Variants in SGCZ observed in about 807,000 individuals in gnomAD.
SGCZ encodes the protein zeta-sarcoglycan.
In SGCZ, 40 loss-of-function variants were observed where a neutral mutation model predicts 41.3. The observed-to-expected ratio is 0.97, with a 90% CI of 0.75 to 1.26. SGCZ has a LOEUF of 1.26. SGCZ is among the 50% of genes most tolerant of loss of function. The pLI, the probability that SGCZ is intolerant of heterozygous loss-of-function variation, is 0.00. For synonymous variants in SGCZ, 206 were observed against 137.5 expected (o/e 1.50, Z -3.49); for missense variants, 552 against 369.8 (o/e 1.49, Z -4.04).
chr8:14,515,284 T>C (rs1802588254), intron 2 of SGCZ, among the ~76,000 whole-genome samples: 1 of 152,106 alleles, frequency 6.6e-6, no homozygotes, highest in South Asian at 2.1e-4. Context: ...GTGCTCCTGC[T>C]GTATTTTTGC....
chr8:15,089,468 TA>T (rs200441429), intron 1 of SGCZ, among the ~76,000 whole-genome samples: 77 of 152,140 alleles, frequency 5.1e-4, no homozygotes, highest in African/African-American at 1.8e-3. Flanking sequence ...TTCTTTTTTT[TA>T]ATGAGACTTT....
At chr8:14,876,109 T>A (rs1358185161) in intron 1 of SGCZ, among the ~76,000 whole-genome samples, 1 of 152,136 alleles carries the variant, frequency 6.6e-6, no homozygotes, top group Non-Finnish European at 1.5e-5. Flanking sequence ...AAAGCTTGCA[T>A]CAGTGTAGAC....
At chr8:14,555,024 G>T (rs543884897) in intron 1 of SGCZ, 98 bp from the exon 2 acceptor site, 2 of 1,108,508 alleles carry the variant, frequency 1.8e-6, no homozygotes, top group Non-Finnish European at 2.6e-6. Context: ...AACAATGTAC[G>T]TTAAAATAAT....
intron 1 of SGCZ, among the ~76,000 whole-genome samples, chr8:14,974,605 C>A (rs771983304): frequency 2.0e-5 from 3 of 152,088 alleles, no homozygotes; most frequent in Admixed American, 1.3e-4. Context: ...GAAGTGAAAC[C>A]CAACTTCAGT....
chr8:14,198,870 T>C (rs1223540651), intron 4 of SGCZ, among the ~76,000 whole-genome samples: 1 of 152,202 alleles, frequency 6.6e-6, no homozygotes, highest in Admixed American at 6.5e-5. Context: ...ACTTCCCCAA[T>C]CAATACTCTT....
chr8:14,360,926 G>GC (rs1319324065), intron 2 of SGCZ, among the ~76,000 whole-genome samples: 3 of 152,070 alleles, frequency 2.0e-5, no homozygotes, highest in African/African-American at 7.2e-5. Context: ...GAGTGATCTA[G>GC]TTTTTCCGCA....
At chr8:14,701,794 T>C (rs781090401) in intron 1 of SGCZ, among the ~76,000 whole-genome samples, 40 of 151,896 alleles carry the variant, frequency 2.6e-4, no homozygotes, top group Admixed American at 4.6e-4. Context: ...TACTAACATG[T>C]GACCTCTATT....
chr8:14,199,823 C>G (rs1318848061), intron 4 of SGCZ, among the ~76,000 whole-genome samples: 1 of 151,986 alleles, frequency 6.6e-6, no homozygotes. Context: ...AAGTTCACGA[C>G]TGACAATGAA....
At chr8:14,164,864 G>A in intron 4 of SGCZ, 162 bp from the exon 5 acceptor site, 2 of 861,332 alleles carry the variant, frequency 2.3e-6, no homozygotes, top group Non-Finnish European at 3.4e-6. Context: ...CCATTTTCAG[G>A]AGGCTAATTT....
intron 5 of SGCZ, among the ~76,000 whole-genome samples, chr8:14,125,710 A>G (rs1336264909): frequency 6.6e-6 from 1 of 152,126 alleles, no homozygotes; most frequent in Non-Finnish European, 1.5e-5. Context: ...GAGGCATCAC[A>G]CTACCTGATT....
intron 2 of SGCZ, among the ~76,000 whole-genome samples, chr8:14,329,043 G>A (rs768192726): frequency 6.6e-6 from 1 of 150,640 alleles, no homozygotes; most frequent in Non-Finnish European, 1.5e-5. Context: ...CTTCAAAACT[G>A]TAAGAAAATA....
At chr8:15,018,296 A>G (rs1803116909) in intron 1 of SGCZ, among the ~76,000 whole-genome samples, 1 of 152,190 alleles carries the variant, frequency 6.6e-6, no homozygotes, top group Non-Finnish European at 1.5e-5. Context: ...TAAACAAGAC[A>G]GCTTATTTTT....
Position 15,166,936 on chromosome 8 carries a change from G to A in SGCZ, c.39+70649C>T, listed in dbSNP as rs74841774. Reference sequence around the variant, plus strand: ...TGTTCATGAATATCAAGCAAAACTCGAGTTAACTAAATGGACTGAACTCAG... The same window carrying A: ...TGTTCATGAATATCAAGCAAAACTCAAGTTAACTAAATGGACTGAACTCAG... On this transcript the variant is annotated intron_variant, in intron 1 of 7. Transcript: ENST00000382080. 3.7e-3 allele frequency among the ~76,000 whole-genome samples: 561 copies of A among 152,238 alleles called. 21 individuals carry two copies. The East Asian group carries it at 0.091, about 25-fold the overall frequency.
At chr8:14,353,715 CTCT>C (rs1359157221) in intron 2 of SGCZ, among the ~76,000 whole-genome samples, 1 of 152,058 alleles carries the variant, frequency 6.6e-6, no homozygotes, top group Non-Finnish European at 1.5e-5. Flanking sequence ...CTTCCTGTGT[CTCT>C]TCTTCTGAAA....
intron 5 of SGCZ, among the ~76,000 whole-genome samples, chr8:14,151,272 C>G (rs764321406): frequency 2.0e-5 from 3 of 152,040 alleles, no homozygotes; most frequent in Non-Finnish European, 4.4e-5. Context: ...GCATCGACAT[C>G]TCATGTACCC....
At chr8:14,470,319 C>G (rs184486986) in intron 2 of SGCZ, among the ~76,000 whole-genome samples, 1 of 152,210 alleles carries the variant, frequency 6.6e-6, no homozygotes, top group East Asian at 1.9e-4. Flanking sequence ...CTTTTATAAT[C>G]TCCAGTGCCT....
chr8:14,563,177 A>G (rs998487216), intron 1 of SGCZ, among the ~76,000 whole-genome samples: 1 of 152,146 alleles, frequency 6.6e-6, no homozygotes, highest in Admixed American at 6.5e-5. Flanking sequence ...CATTACCCCA[A>G]GCTTGCTCTG....
chr8:14,994,565 C>T (rs1802146865), intron 1 of SGCZ, among the ~76,000 whole-genome samples: 1 of 144,902 alleles, frequency 6.9e-6, no homozygotes, highest in African/African-American at 2.6e-5. Flanking sequence ...GCCTAGGCAA[C>T]AAGAGCAAAA....
intron 1 of SGCZ, among the ~76,000 whole-genome samples, chr8:14,645,821 A>G (rs1349357974): frequency 2.0e-5 from 3 of 151,830 alleles, no homozygotes; most frequent in African/African-American, 7.2e-5. Flanking sequence ...GCAGACATTC[A>G]CAGCAAATTT....
Sources: allele counts gnomAD v4.1 joint callset (sites outside exome capture counted in the v4.1 genomes callset), GRCh38; gene constraint gnomAD v4.1.1; transcripts MANE v1.5; gene names NCBI Gene and HGNC (gene_info 2026-07-23, HGNC 2026-07-21).